KMT2C: variants seen among roughly 807,000 people sequenced by gnomAD.
The protein encoded by KMT2C is histone-lysine N-methyltransferase 2C.
KMT2C carries 88 observed loss-of-function variants against 507.9 expected under a neutral mutation model. That is an observed-to-expected ratio of 0.17 (90% CI 0.15 to 0.21). KMT2C has a LOEUF of 0.21. KMT2C is among the 10% of genes least tolerant of loss of function. The pLI is 1.00. For missense variants in KMT2C, 4,954 were observed against 5,957.8 expected (o/e 0.83, Z 5.55); for synonymous variants, 2,049 against 2,080.8 (o/e 0.98, Z 0.42).
chr7:152,228,639 G>A (rs919499193), intron 18 of KMT2C, among the ~76,000 whole-genome samples: 2 of 152,046 alleles, frequency 1.3e-5, no homozygotes, highest in African/African-American at 2.4e-5. Context: ...ATGGGAATTC[G>A]GTAATTGTTG....
chr7:152,426,326 C>A (rs1040766276), intron 1 of KMT2C, among the ~76,000 whole-genome samples: 1 of 148,150 alleles, frequency 6.7e-6, no homozygotes, highest in East Asian at 2.1e-4. Flanking sequence ...TAGCCTCCAA[C>A]TCCTGGGCTC....
chr7:152,343,104 G>A (rs553916183), intron 2 of KMT2C, among the ~76,000 whole-genome samples: 3 of 151,912 alleles, frequency 2.0e-5, no homozygotes, highest in South Asian at 2.1e-4. Flanking sequence ...AAATTACAAG[G>A]TATACTAAAA....
chr7:152,337,872 TTA>T (rs921082237), intron 2 of KMT2C, among the ~76,000 whole-genome samples: 15 of 151,678 alleles, frequency 9.9e-5, no homozygotes, highest in African/African-American at 3.4e-4. Flanking sequence ...TTTTTTTTTT[TTA>T]AAGACAGAGT....
In KMT2C at chr7:152,159,059, G is replaced by A. The variant is rs1563185052; in HGVS notation, c.11474C>T (p.Ala3825Val). 3 of 1,614,070 alleles carry A rather than the reference G, an allele frequency of 1.9e-6. No individual in the cohort carries two copies. Among genetic ancestry groups the A allele is most frequent in the Non-Finnish European group, 2.5e-6 (3 of 1,180,004 alleles). The change falls in exon 44 of 59, where the codon GCT becomes GTT. Residue 3825 changes from alanine to valine, a missense_variant. Ala to Val is a moderately conservative substitution (Grantham distance 64). Transcript: ENST00000262189. ...NPAEGLQTLG[A>V]QMQGGFGCGN... ...ACATCCAAAACCACCTTGCATTTGA[G>A]CCCCCAAAGTTTGCTAATGTAATTG...
At chr7:152,240,270 G>A (rs1300906641) in intron 14 of KMT2C, among the ~76,000 whole-genome samples, 3 of 152,196 alleles carry the variant, frequency 2.0e-5, no homozygotes, top group Non-Finnish European at 4.4e-5. Context: ...GTAAGGAAGT[G>A]TTGTCAAAAG....
intron 52 of KMT2C, among the ~76,000 whole-genome samples, chr7:152,147,092 C>T (rs1441742207): frequency 6.6e-6 from 1 of 152,028 alleles, no homozygotes; most frequent in Admixed American, 6.5e-5. Flanking sequence ...GTTCCTTTCC[C>T]CTCAGATTTA....
At chr7:152,431,777 A>G (rs2097864559) in intron 1 of KMT2C, among the ~76,000 whole-genome samples, 1 of 152,208 alleles carries the variant, frequency 6.6e-6, no homozygotes, top group Admixed American at 6.5e-5. Context: ...CAAAAATTTT[A>G]TCAGATCTCT....
At chr7:152,255,123 A>ATATATATG (rs1554583721) in intron 9 of KMT2C, among the ~76,000 whole-genome samples, 1 of 112,632 alleles carries the variant, frequency 8.9e-6, no homozygotes, top group Admixed American at 8.3e-5. Context: ...ATATATATAT[A>ATATATATG]TATATATATA....
rs371682289 is a variant in KMT2C at position 152,176,288 on chromosome 7, T to A, written c.9165A>T (p.Leu3055=). ...PLLLEEQPLL[L]QDLLDQERQE... ...GCCTTTCTTGATCCAAAAGATCCTG[T>A]AGAAGTAGAGGCTGTTCTTCTAGAA... The change falls in exon 38 of 59, where the codon CTA becomes CTT. Residue 3055 remains leucine (L), a synonymous_variant. Transcript: ENST00000262189. 6.2e-7 allele frequency: 1 copy of A among 1,614,154 alleles called. No individual in the cohort carries two copies. Among genetic ancestry groups the A allele is most frequent in the Non-Finnish European group, 8.5e-7 (1 of 1,180,012 alleles).
chr7:152,194,780 T>A (rs2093913685), intron 28 of KMT2C, among the ~76,000 whole-genome samples: 1 of 151,558 alleles, frequency 6.6e-6, no homozygotes, highest in African/African-American at 2.4e-5. Flanking sequence ...TGTAAAGTTC[T>A]ATTTCAAGTA....
chr7:152,281,828 A>G (rs2096218407), intron 6 of KMT2C, among the ~76,000 whole-genome samples: 1 of 152,204 alleles, frequency 6.6e-6, no homozygotes, highest in Non-Finnish European at 1.5e-5. Flanking sequence ...CAAATGAAGC[A>G]GAGAGGTTAA....
At chr7:152,233,312 C>G (rs1414166532) in intron 16 of KMT2C, among the ~76,000 whole-genome samples, 1 of 152,066 alleles carries the variant, frequency 6.6e-6, no homozygotes, top group Non-Finnish European at 1.5e-5. Flanking sequence ...GCTATTGTTG[C>G]CTGCATAGAT....
chr7:152,412,947 GAAT>G (rs1356797293), intron 1 of KMT2C, among the ~76,000 whole-genome samples: 4 of 151,898 alleles, frequency 2.6e-5, no homozygotes, highest in African/African-American at 9.7e-5. Context: ...CTAAAATTCA[GAAT>G]AATTAAAAGG....
rs529988132 is a variant in KMT2C at position 152,295,863 on chromosome 7, G to A, written c.849+14103C>T. Among the ~76,000 whole-genome samples, 222 of 151,108 alleles carry A rather than the reference G, an allele frequency of 1.5e-3. 1 individual carries two copies. Among genetic ancestry groups the A allele is most frequent in the African/African-American group, 5.1e-3 (210 of 41,158 alleles). ...GGGCAGATCACGAGGTCAGGAGATC[G>A]AGACCATCCTAGCTAACACGGTGAA... On this transcript the variant is annotated intron_variant, in intron 6 of 58. Coordinates refer to ENST00000262189, the MANE Select transcript of KMT2C (RefSeq NM_170606.3).
At position 152,358,633 on chromosome 7, in the gene KMT2C, G is replaced by A. The variant is rs1485322959; in HGVS notation, c.204C>T (p.Ser68=). The change falls in exon 2 of 59, where the codon AGC becomes AGT. Residue 68 remains serine, a synonymous_variant. Coordinates refer to ENST00000262189, the MANE Select transcript of KMT2C (RefSeq NM_170606.3). ...RGKTAVEDED[S]MDGLETTETE... The stretch of plus-strand genomic sequence containing the variant: ...TTTCTGTTGTCTCCAGCCCATCCAT[G>A]CTGTCCTCATCTTCCACTGCAGTTT... 2 of 1,611,312 alleles carry A rather than the reference G, an allele frequency of 1.2e-6. No homozygotes were observed. Among genetic ancestry groups the A allele is most frequent in the South Asian group, 2.2e-5 (2 of 90,604 alleles).
At chr7:152,415,523 G>GC (rs2116699842) in intron 1 of KMT2C, among the ~76,000 whole-genome samples, 1 of 152,136 alleles carries the variant, frequency 6.6e-6, no homozygotes, top group Non-Finnish European at 1.5e-5. Context: ...CAGTTAGAAT[G>GC]CCCCCACCCC....
chr7:152,283,877 G>C (rs1226885465), intron 6 of KMT2C, among the ~76,000 whole-genome samples: 1 of 152,144 alleles, frequency 6.6e-6, no homozygotes, highest in African/African-American at 2.4e-5. Flanking sequence ...GTTAACTGCT[G>C]AATTATGCAT....
At chr7:152,305,506 G>A (rs1413773475) in intron 6 of KMT2C, among the ~76,000 whole-genome samples, 3 of 152,106 alleles carry the variant, frequency 2.0e-5, no homozygotes, top group Non-Finnish European at 2.9e-5. Flanking sequence ...AGAAGTATAC[G>A]TGAGGTGTGG....
chr7:152,258,508 TTGTTGTTGTTGC>T (rs1281024596), intron 9 of KMT2C, among the ~76,000 whole-genome samples: 1 of 151,940 alleles, frequency 6.6e-6, no homozygotes, highest in Non-Finnish European at 1.5e-5. Context: ...TTTGTTGTTG[TTGTTGTTGTTGC>T]TGTTGTTGTT....
Sources: gnomAD v4.1 joint callset for allele counts (sites outside exome capture counted in the v4.1 genomes callset) on GRCh38, gnomAD v4.1.1 for gene constraint, MANE v1.5 for transcripts, NCBI Gene and HGNC (gene_info 2026-07-23, HGNC 2026-07-21) for gene names.